Variants in LRCH1 observed in about 807,000 individuals in gnomAD.
LRCH1 encodes leucine rich repeats and calponin homology domain containing 1.
Under a neutral mutation model 94.9 loss-of-function variants are expected in LRCH1, and 23 were observed. The ratio of observed to expected loss-of-function variants is 0.24; its 90% CI spans 0.17 to 0.34. The LOEUF (loss-of-function observed/expected upper bound fraction) is 0.34. LRCH1 is among the 10% of genes least tolerant of loss of function. The pLI, the probability that LRCH1 is intolerant of heterozygous loss-of-function variation, is 1.00. For missense variants in LRCH1, 790 were observed against 945.9 expected, an observed-to-expected ratio of 0.84 and a Z score of 2.16; for synonymous variants, 364 against 354.9, an observed-to-expected ratio of 1.03 and a Z score of -0.29.
At chr13:46,579,725 T>A (rs1192019886) in intron 1 of LRCH1, among the ~76,000 whole-genome samples, 1 of 152,188 alleles carries the variant, frequency 6.6e-6, no homozygotes, top group African/African-American at 2.4e-5. Flanking sequence ...TTCTGTAAAA[T>A]CATGGGAAGG....
At chr13:46,703,985 C>G (rs949647576) in intron 11 of LRCH1, among the ~76,000 whole-genome samples, 9 of 152,016 alleles carry the variant, frequency 5.9e-5, no homozygotes, top group African/African-American at 2.2e-4. Flanking sequence ...ACTTGATTTG[C>G]ATCTTTATGG....
rs1490773943 is a variant in LRCH1, at chr13:46,581,021, T to TG, written c.307+27320dup. 4.6e-5 allele frequency among the ~76,000 whole-genome samples: 7 copies of TG among 152,340 alleles called. No homozygotes were observed. The East Asian group carries it at 1.3e-3, about 29-fold the overall frequency. Reference sequence around the variant, plus strand: ...GTAGCTGAAACTTACTCTTTGTTAATGGATGTATCACTGGGTGAGCTTCTA... The same window carrying TG: ...GTAGCTGAAACTTACTCTTTGTTAATGGGATGTATCACTGGGTGAGCTTCTA... On this transcript the variant is annotated intron_variant, in intron 1 of 19. Coordinates refer to ENST00000389797, the MANE Select transcript of LRCH1 (RefSeq NM_001164211.2).
intron 1 of LRCH1, among the ~76,000 whole-genome samples, chr13:46,644,774 T>C (rs551210984): frequency 2.0e-5 from 3 of 152,246 alleles, no homozygotes; most frequent in East Asian, 3.8e-4. Context: ...CAGAAGCCCA[T>C]TGTTACCTTA....
chr13:46,701,263 G>A, intron 11 of LRCH1, 56 bp downstream of exon 11: 4 of 1,220,724 alleles, frequency 3.3e-6, no homozygotes, highest in African/African-American at 1.5e-5. Flanking sequence ...ACTAATGTAT[G>A]GAGTACATTG....
At chr13:46,671,027 T>C (rs1232995685) in intron 3 of LRCH1, among the ~76,000 whole-genome samples, 2 of 152,198 alleles carry the variant, frequency 1.3e-5, no homozygotes, top group Non-Finnish European at 2.9e-5. Context: ...TTCGAGGCCT[T>C]CTGTGGTCAG....
At chr13:46,740,795 G>A (rs1339996917) in intron 19 of LRCH1, among the ~76,000 whole-genome samples, 2 of 152,170 alleles carry the variant, frequency 1.3e-5, no homozygotes, top group Non-Finnish European at 2.9e-5. Flanking sequence ...GACAGCAATA[G>A]GCTGCTGAAA....
intron 1 of LRCH1, among the ~76,000 whole-genome samples, chr13:46,602,743 A>G (rs545921517): frequency 1.6e-4 from 25 of 152,306 alleles, no homozygotes; most frequent in African/African-American, 5.5e-4. Flanking sequence ...ACTTGAGCCC[A>G]GGACTTTGAG....
chr13:46,673,431 T>C (rs1286242338), intron 3 of LRCH1, among the ~76,000 whole-genome samples: 5 of 152,242 alleles, frequency 3.3e-5, no homozygotes, highest in Admixed American at 1.3e-4. Flanking sequence ...TTCTCACTTA[T>C]CTTTCATCTT....
chr13:46,623,676 T>C lies in LRCH1; in HGVS notation c.308-26525T>C, dbSNP rs369321394. On this transcript the variant is annotated intron_variant, in intron 1 of 19. Transcript: ENST00000389797. The stretch of plus-strand genomic sequence containing the variant: ...CCCTTTTCTTGACTCAAAGAATAAT[T>C]TGTGTACCCTGTCTCTGTTTTTTTT... Among the ~76,000 whole-genome samples the C allele has an allele frequency of 2.0e-3, 300 of 149,428 alleles. 3 individuals carry two copies. Among genetic ancestry groups the C allele is most frequent in the African/African-American group, 6.8e-3 (276 of 40,656 alleles).
intron 1 of LRCH1, among the ~76,000 whole-genome samples, chr13:46,558,669 G>T (rs1231937739): frequency 6.6e-6 from 1 of 150,978 alleles, no homozygotes; most frequent in Non-Finnish European, 1.5e-5. Context: ...GGAGGTGAAG[G>T]TTGTAGTGAG....
intron 1 of LRCH1, among the ~76,000 whole-genome samples, chr13:46,558,689 C>T (rs1447770316): frequency 1.3e-5 from 2 of 150,622 alleles, no homozygotes; most frequent in African/African-American, 2.5e-5. Flanking sequence ...GCCGAGGTTG[C>T]GCCACTGCAC....
chr13:46,586,869 A>C (rs1266364874), intron 1 of LRCH1, among the ~76,000 whole-genome samples: 1 of 152,238 alleles, frequency 6.6e-6, no homozygotes, highest in Non-Finnish European at 1.5e-5. Flanking sequence ...CTTTCCAAGC[A>C]GGAAAGTTTA....
chr13:46,741,729 A>G lies in LRCH1; in HGVS notation c.2173A>G (p.Lys725Glu), dbSNP rs758855468. 1 of 1,614,032 alleles carries G rather than the reference A, an allele frequency of 6.2e-7. No homozygotes were observed. The highest frequency in any genetic ancestry group is 1.7e-5 in the Admixed American group (1 of 59,996). ...TVDTLLALGE[K>E]APPPTSALRS... ...TGACACTCTGCTGGCACTCGGGGAG[A>G]AAGCCCCACCACCAACTTCTGCCCT... The change falls in exon 20 of 20, where the codon AAA (lysine) becomes GAA (glutamate). Residue 725 changes from lysine to glutamate, a missense_variant. Lys to Glu is a moderately conservative substitution (Grantham distance 56). Transcript: ENST00000389797.
chr13:46,592,414 C>T (rs537312510), intron 1 of LRCH1, among the ~76,000 whole-genome samples: 1 of 152,268 alleles, frequency 6.6e-6, no homozygotes, highest in South Asian at 2.1e-4. Flanking sequence ...CCATAATAGG[C>T]AAGGGCAAGT....
intron 2 of LRCH1, among the ~76,000 whole-genome samples, chr13:46,655,834 A>T (rs576949809): frequency 5.3e-5 from 8 of 152,316 alleles, no homozygotes; most frequent in Non-Finnish European, 4.4e-5. Flanking sequence ...ATAGTATTTG[A>T]TCATATTGCT....
At chr13:46,721,187 A>G (rs1455660329) in intron 16 of LRCH1, among the ~76,000 whole-genome samples, 1 of 152,216 alleles carries the variant, frequency 6.6e-6, no homozygotes, top group African/African-American at 2.4e-5. Context: ...TGGTTCATTT[A>G]ACTTCCTGAT....
intron 2 of LRCH1, among the ~76,000 whole-genome samples, chr13:46,661,776 T>C (rs554619502): frequency 6.6e-6 from 1 of 152,318 alleles, no homozygotes; most frequent in African/African-American, 2.4e-5. Flanking sequence ...TAAATGGCAA[T>C]ATGCAGGCAT....
rs1411098882 is a variant in LRCH1, at chr13:46,728,966, T to C, written c.1989T>C (p.His663=). 2 of 1,613,070 alleles carry C rather than the reference T, an allele frequency of 1.2e-6. No homozygotes were observed. The highest frequency in any genetic ancestry group is 1.3e-5 in the African/African-American group (1 of 75,038). ...HIRPRSVASI[H]VPSPAVPKLS... ...GCCCACGGTCGGTTGCAAGCATCCATGTCCCATCACCAGCGGTTGTAAGTA... is the reference window on the plus strand; with the variant it reads ...GCCCACGGTCGGTTGCAAGCATCCACGTCCCATCACCAGCGGTTGTAAGTA... The change falls in exon 18 of 20, where the codon CAT becomes CAC. Residue 663 remains histidine, a synonymous_variant. Coordinates refer to ENST00000389797, the MANE Select transcript of LRCH1 (RefSeq NM_001164211.2).
chr13:46,699,771 A>G lies in LRCH1; in HGVS notation c.1313+368A>G, dbSNP rs551340503. ...CTGATCTCCTTCTTTACCCCAAGTC[A>G]TCCCCTTCAAGATCTGAGAACACCG... On this transcript the variant is annotated intron_variant, in intron 10 of 19. Coordinates refer to ENST00000389797, the MANE Select transcript of LRCH1 (RefSeq NM_001164211.2). Among the ~76,000 whole-genome samples, 3 of 152,322 alleles carry G rather than the reference A, an allele frequency of 2.0e-5. No homozygotes were observed. The South Asian group carries it at 6.2e-4, about 32-fold the overall frequency.
Sources: allele counts gnomAD v4.1 joint callset (sites outside exome capture counted in the v4.1 genomes callset), GRCh38; gene constraint gnomAD v4.1.1; transcripts MANE v1.5; gene names NCBI Gene and HGNC (gene_info 2026-07-23, HGNC 2026-07-21).